ARL15: variants seen among roughly 807,000 people sequenced by gnomAD.
ARL15 encodes ADP-ribosylation factor-like protein 15.
ARL15 carries 19 observed loss-of-function variants against 25.2 expected under a neutral mutation model. That is an observed-to-expected ratio of 0.75 (90% CI 0.53 to 1.10). The LOEUF (loss-of-function observed/expected upper bound fraction) is 1.10. Among genes scored for constraint, ARL15 ranks in the 50% least tolerant of loss-of-function variants. ARL15 has a pLI of 0.00. For synonymous variants in ARL15, 94 were observed against 86.8 expected, an observed-to-expected ratio of 1.08 and a Z score of -0.46; for missense variants, 220 against 246.0, an observed-to-expected ratio of 0.89 and a Z score of 0.71.
At chr5:54,209,731 T>C (rs887965176) in intron 1 of ARL15, among the ~76,000 whole-genome samples, 1 of 152,156 alleles carries the variant, frequency 6.6e-6, no homozygotes, top group African/African-American at 2.4e-5. Context: ...TTCTTTTACC[T>C]AGACATTGGC....
At position 54,113,408 on chromosome 5, in the gene ARL15, C is replaced by A. The variant is rs750452958; in HGVS notation, c.256G>T (p.Ala86Ser). 1 of 1,610,100 alleles carries A rather than the reference C, an allele frequency of 6.2e-7. No individual in the cohort carries two copies. The highest frequency in any genetic ancestry group is 8.5e-7 in the Non-Finnish European group (1 of 1,178,938). ...CTCCAGTATTTCCGGATGTTATCAG[C>A]CCCTGTCAAAAACAAAACAAATTTT... ...AILNVKELGG[A>S]DNIRKYWSRY... The change falls in exon 4 of 5, where the codon GCT becomes TCT. Residue 86 changes from alanine to serine, a missense_variant and splice_region_variant. Transcript: ENST00000504924.
At chr5:54,152,366 T>G in intron 3 of ARL15, among the ~76,000 whole-genome samples, 1 of 152,304 alleles carries the variant, frequency 6.6e-6, no homozygotes. Flanking sequence ...TAGCTTTTCA[T>G]GTGTTCCTGG....
At chr5:54,055,684 T>A (rs1355515272) in intron 4 of ARL15, among the ~76,000 whole-genome samples, 1 of 151,986 alleles carries the variant, frequency 6.6e-6, no homozygotes, top group Non-Finnish European at 1.5e-5. Flanking sequence ...TATTGCCAAA[T>A]AATATGCCAT....
intron 1 of ARL15, among the ~76,000 whole-genome samples, chr5:54,230,221 C>A (rs188288288): frequency 6.6e-6 from 1 of 151,760 alleles, no homozygotes; most frequent in Non-Finnish European, 1.5e-5. Flanking sequence ...GTGGCAGGTG[C>A]CTGTAGTCCC....
chr5:54,004,586 G>A (rs1457285953), intron 4 of ARL15, among the ~76,000 whole-genome samples: 4 of 152,100 alleles, frequency 2.6e-5, no homozygotes, highest in African/African-American at 4.8e-5. Flanking sequence ...AGTGGCTTCG[G>A]TGGCAGATCT....
rs1393174546 is a variant in ARL15, at chr5:53,886,576, T to G, written c.600A>C (p.Glu200Asp). ...TTGCCAGATTTCACATTCTTACAGC[T>G]TCATGGTCTTTTTCTTCTAACAAAT... ...LINLLEEKDH[E>D]AVRM Residue 200 changes from glutamate (E) to aspartate (D), a missense_variant, in exon 5 of 5, where the codon GAA becomes GAC. By Grantham distance (45) the Glu-to-Asp change is conservative. Transcript: ENST00000504924. 1 of 1,561,466 alleles carries G rather than the reference T, an allele frequency of 6.4e-7. No individual in the cohort carries two copies. Among genetic ancestry groups the G allele is most frequent in the Non-Finnish European group, 8.7e-7 (1 of 1,151,490 alleles).
At chr5:54,213,959 T>C (rs759741150) in intron 1 of ARL15, among the ~76,000 whole-genome samples, 3 of 152,202 alleles carry the variant, frequency 2.0e-5, no homozygotes, top group Non-Finnish European at 4.4e-5. Context: ...TTATCAGATA[T>C]ACTTACGACT....
At position 54,004,163 on chromosome 5, in the gene ARL15, T is replaced by A. The variant is rs539121431; in HGVS notation, c.462+109039A>T. Among the ~76,000 whole-genome samples, 6 of 152,268 alleles carry A rather than the reference T, an allele frequency of 3.9e-5. No homozygotes were observed. The East Asian group carries it at 1.2e-3, about 29-fold the overall frequency. ...AACATTCCCAGCACTTTACGTATAA[T>A]AATTTCAAATTCACACACACACAAA... On this transcript the variant is annotated intron_variant, in intron 4 of 4. Transcript: ENST00000504924.
Position 54,208,416 on chromosome 5 carries a change from G to GCA in ARL15, c.49-36490_49-36489dup, listed in dbSNP as rs201642389. ...TACATGCACATGCGCACACACACAC[G>GCA]CACACACACACATATTCACACACCA... On this transcript the variant is annotated intron_variant, in intron 1 of 4. Coordinates refer to ENST00000504924, the MANE Select transcript of ARL15 (RefSeq NM_019087.3). Among the ~76,000 whole-genome samples, 1,068 of 150,732 alleles carry GCA rather than the reference G, an allele frequency of 7.1e-3. 6 individuals are homozygous for GCA. Among genetic ancestry groups the GCA allele is most frequent in the African/African-American group, 0.024 (970 of 41,228 alleles).
chr5:53,926,748 CTCT>C, intron 4 of ARL15, among the ~76,000 whole-genome samples: 1 of 152,264 alleles, frequency 6.6e-6, no homozygotes, highest in African/African-American at 2.4e-5. Flanking sequence ...GCCATCCATG[CTCT>C]TCTTTCCCTC....
chr5:53,970,320 GT>G (rs930966614), intron 4 of ARL15, among the ~76,000 whole-genome samples: 3 of 152,034 alleles, frequency 2.0e-5, no homozygotes, highest in African/African-American at 7.2e-5. Flanking sequence ...CTCCAGGAGG[GT>G]ACAAAAAAGT....
At chr5:54,262,298 A>C (rs1757514454) in intron 1 of ARL15, among the ~76,000 whole-genome samples, 1 of 152,222 alleles carries the variant, frequency 6.6e-6, no homozygotes, top group African/African-American at 2.4e-5. Context: ...TGGGAGCAGA[A>C]TAGTGAGAAT....
At chr5:54,261,421 T>C (rs536702019) in intron 1 of ARL15, among the ~76,000 whole-genome samples, 5 of 152,290 alleles carry the variant, frequency 3.3e-5, no homozygotes, top group African/African-American at 1.2e-4. Context: ...AATCGGTAGA[T>C]TCCTGAAGGG....
chr5:54,283,781 G>A (rs1377324655), intron 1 of ARL15, among the ~76,000 whole-genome samples: 1 of 152,150 alleles, frequency 6.6e-6, no homozygotes, highest in Non-Finnish European at 1.5e-5. Context: ...TATGCCACCT[G>A]GAATAAAAGA....
At chr5:53,925,955 A>G (rs1398534449) in intron 4 of ARL15, among the ~76,000 whole-genome samples, 1 of 149,324 alleles carries the variant, frequency 6.7e-6, no homozygotes, top group Non-Finnish European at 1.5e-5. Context: ...TCTACCAATT[A>G]TATATTGTTA....
chr5:54,063,595 T>C lies in ARL15; in HGVS notation c.462+49607A>G, dbSNP rs114595960. ...ACTTTGACTTTGGTGTTGAGGAGCA[T>C]GGATATGTATGACAAACTCCTAATT... is the stretch of plus-strand genomic sequence containing the variant. On this transcript the variant is annotated intron_variant, in intron 4 of 4. Transcript: ENST00000504924. Among the ~76,000 whole-genome samples the C allele has an allele frequency of 7.8e-3, 1,184 of 152,096 alleles. 11 individuals are homozygous for C. Among genetic ancestry groups the C allele is most frequent in the Non-Finnish European group, 0.015 (1,015 of 67,984 alleles).
At chr5:54,171,981 A>G (rs994557643) in intron 1 of ARL15, 53 bp from the exon 2 acceptor site, 7 of 1,578,582 alleles carry the variant, frequency 4.4e-6, no homozygotes, top group Non-Finnish European at 6.1e-6. Flanking sequence ...ATGGAAATAA[A>G]CCATAGTCAC....
chr5:54,102,666 C>G (rs780691055), intron 4 of ARL15, among the ~76,000 whole-genome samples: 65 of 152,090 alleles, frequency 4.3e-4, no homozygotes, highest in Non-Finnish European at 7.4e-5. Flanking sequence ...CAGCTGTTCT[C>G]TAAGGATTCC....
chr5:54,084,006 T>A (rs1405903778), intron 4 of ARL15, among the ~76,000 whole-genome samples: 1 of 152,124 alleles, frequency 6.6e-6, no homozygotes, highest in Non-Finnish European at 1.5e-5. Flanking sequence ...ACTGCCAGCG[T>A]TTATTCCATA....
Sources: gnomAD v4.1 joint callset for allele counts (sites outside exome capture counted in the v4.1 genomes callset) on GRCh38, gnomAD v4.1.1 for gene constraint, MANE v1.5 for transcripts, NCBI Gene and HGNC (gene_info 2026-07-23, HGNC 2026-07-21) for gene names.